CFAP221: variants seen among roughly 807,000 people sequenced by gnomAD.
The protein encoded by CFAP221 is cilia- and flagella-associated protein 221.
Under a neutral mutation model 113.1 loss-of-function variants are expected in CFAP221, and 97 were observed. That is an observed-to-expected ratio of 0.86 (90% CI 0.73 to 1.02). The LOEUF (loss-of-function observed/expected upper bound fraction) is 1.02. Ranked by LOEUF, CFAP221 falls within the 50% of genes least tolerant of loss-of-function variation. The pLI is 0.00. For missense variants in CFAP221, 1,025 were observed against 1,013.4 expected (o/e 1.01, Z -0.16); for synonymous variants, 331 against 354.4 (o/e 0.93, Z 0.74).
chr2:119,640,036 A>G (rs1314225012), intron 21 of CFAP221, among the ~76,000 whole-genome samples, 164 bp downstream of exon 21: 1 of 152,184 alleles, frequency 6.6e-6, no homozygotes, highest in Non-Finnish European at 1.5e-5. Flanking sequence ...TGATTTTCAT[A>G]TTTGGAATTT....
chr2:119,570,729 T>C (rs1490853351), intron 6 of CFAP221, among the ~76,000 whole-genome samples: 1 of 152,260 alleles, frequency 6.6e-6, no homozygotes, highest in Non-Finnish European at 1.5e-5. Flanking sequence ...TTTTCATTGC[T>C]GAATAACATT....
intron 14 of CFAP221, 80 bp downstream of exon 14, chr2:119,615,789 A>AC: frequency 9.8e-7 from 1 of 1,017,738 alleles, no homozygotes; most frequent in Non-Finnish European, 1.5e-6. Flanking sequence ...GTTTGATAAC[A>AC]CCTTTATTGA....
At chr2:119,576,300 C>T (rs562447799) in intron 6 of CFAP221, among the ~76,000 whole-genome samples, 1 of 152,272 alleles carries the variant, frequency 6.6e-6, no homozygotes, top group Admixed American at 6.5e-5. Context: ...TACCCAGGTA[C>T]TATGCCTAGT....
chr2:119,579,018 C>A (rs1349028584), intron 6 of CFAP221, among the ~76,000 whole-genome samples: 1 of 152,058 alleles, frequency 6.6e-6, no homozygotes, highest in Non-Finnish European at 1.5e-5. Context: ...AAAATTTCCA[C>A]ATGATTGTAA....
At chr2:119,596,348 G>T (rs1020794388) in intron 7 of CFAP221, among the ~76,000 whole-genome samples, 1 of 152,178 alleles carries the variant, frequency 6.6e-6, no homozygotes, top group Admixed American at 6.5e-5. Context: ...CCCTCCAGTC[G>T]CCCTGCCCTC....
chr2:119,584,248 G>A (rs13008512), intron 6 of CFAP221, among the ~76,000 whole-genome samples: 3,887 of 152,190 alleles, frequency 0.026, 76 homozygotes, highest in Non-Finnish European at 0.037. Context: ...CTATGGCTTG[G>A]AAAAGATACT....
Position 119,611,667 on chromosome 2 carries a change from T to A in CFAP221, c.1236T>A (p.Asp412Glu). The A allele has an allele frequency of 6.2e-7, 1 of 1,613,348 alleles. No individual in the cohort carries two copies. The highest frequency in any genetic ancestry group is 1.1e-5 in the South Asian group (1 of 90,922). The change falls in exon 13 of 24, where the codon GAT (aspartate) becomes GAA (glutamate). Residue 412 changes from aspartate to glutamate, a missense_variant. Asp to Glu is a conservative substitution (Grantham distance 45, BLOSUM62 2). Coordinates refer to ENST00000413369, the MANE Select transcript of CFAP221 (RefSeq NM_001271049.2). ...TAAAAACCCAGCTAGACAGAGGAGA[T>A]CCTATTTTGGATGAGGAATTTCAGC... The part of the protein sequence containing the change: ...ACAKYKLDRG[D>E]PILDEEFQRL...
chr2:119,625,794 A>G lies in CFAP221; in HGVS notation c.1516+106A>G, dbSNP rs556940449. The G allele has an allele frequency of 8.0e-6, 7 of 878,300 alleles. No individual in the cohort carries two copies. In the East Asian group the frequency reaches 1.1e-4, roughly 13 times the overall value. 54.4% of individuals were successfully genotyped at this position (878,300 alleles called of 1,614,324 possible). A position where few individuals can be genotyped will look rare whatever the true frequency, so the allele number is the denominator to read the frequency against. On this transcript the variant is annotated intron_variant, in intron 15 of 23. Transcript: ENST00000413369. The stretch of plus-strand genomic sequence containing the variant: ...TCTATGCAAATAAAAAATTTTCACC[A>G]GTCACAAATGTTAGTTTCCTATCCT...
At chr2:119,562,704 G>A (rs975788798) in intron 6 of CFAP221, among the ~76,000 whole-genome samples, 2 of 152,200 alleles carry the variant, frequency 1.3e-5, no homozygotes, top group Non-Finnish European at 2.9e-5. Context: ...TGTAATTTAA[G>A]GAATGTCTTG....
intron 13 of CFAP221, among the ~76,000 whole-genome samples, chr2:119,612,958 A>G (rs560743133): frequency 6.6e-6 from 1 of 152,350 alleles, no homozygotes; most frequent in African/African-American, 2.4e-5. Context: ...CCTAGATACA[A>G]TGGGGGTACA....
At chr2:119,646,455 C>G (rs1434820671) in intron 21 of CFAP221, among the ~76,000 whole-genome samples, 1 of 152,048 alleles carries the variant, frequency 6.6e-6, no homozygotes, top group Non-Finnish European at 1.5e-5. Context: ...CGAGGAGGTG[C>G]CACACACTTT....
At chr2:119,584,206 C>CA (rs1483208059) in intron 6 of CFAP221, among the ~76,000 whole-genome samples, 3 of 151,862 alleles carry the variant, frequency 2.0e-5, no homozygotes, top group African/African-American at 7.3e-5. Flanking sequence ...TTATGTCCAA[C>CA]AAAAAACACC....
chr2:119,612,586 A>G (rs181364395), intron 13 of CFAP221, among the ~76,000 whole-genome samples: 1 of 152,180 alleles, frequency 6.6e-6, no homozygotes, highest in African/African-American at 2.4e-5. Context: ...ACAATTCAAG[A>G]TGAGATTTAG....
intron 7 of CFAP221, among the ~76,000 whole-genome samples, chr2:119,597,364 G>A (rs572791837): frequency 6.6e-6 from 1 of 152,270 alleles, no homozygotes; most frequent in South Asian, 2.1e-4. Flanking sequence ...GGGGAGTGTT[G>A]CCACTGTGAG....
chr2:119,599,608 A>C (rs1487739116), intron 7 of CFAP221, among the ~76,000 whole-genome samples: 1 of 152,168 alleles, frequency 6.6e-6, no homozygotes, highest in Non-Finnish European at 1.5e-5. Flanking sequence ...CACAGTGCAG[A>C]GCCAGCAGGA....
At chr2:119,627,536 T>C in intron 15 of CFAP221, 117 bp from the exon 16 acceptor site, 1 of 662,556 alleles carries the variant, frequency 1.5e-6, no homozygotes. Context: ...TATATATATA[T>C]ATATATATAC....
intron 22 of CFAP221, among the ~76,000 whole-genome samples, chr2:119,648,872 G>C (rs1475142744): frequency 1.3e-5 from 2 of 152,192 alleles, no homozygotes; most frequent in Admixed American, 6.5e-5. Context: ...GCGTGCTTCT[G>C]TTAGACTGGC....
At chr2:119,625,441 T>G in intron 14 of CFAP221, 142 bp from the exon 15 acceptor site, 2 of 676,590 alleles carry the variant, frequency 3.0e-6, no homozygotes, top group Non-Finnish European at 5.0e-6. Flanking sequence ...CTAGGGAGAG[T>G]AGCATGCCAC....
At chr2:119,560,099 G>A in intron 5 of CFAP221, 73 bp downstream of exon 5, 1 of 1,188,326 alleles carries the variant, frequency 8.4e-7, no homozygotes, top group Non-Finnish European at 1.2e-6. Context: ...CTCAATGGTG[G>A]CAGAAAGAGA....
Sources: allele counts gnomAD v4.1 joint callset (sites outside exome capture counted in the v4.1 genomes callset), GRCh38; gene constraint gnomAD v4.1.1; transcripts MANE v1.5; gene names NCBI Gene and HGNC (gene_info 2026-07-23, HGNC 2026-07-21).